The following PEPD variants were observed in gnomAD, a reference collection of about 807,000 sequenced individuals.
PEPD encodes xaa-Pro dipeptidase.
Under a neutral mutation model 60.7 loss-of-function variants are expected in PEPD, and 53 were observed. The observed-to-expected ratio is 0.87, with a 90% CI of 0.70 to 1.10. The LOEUF is 1.10. Ranked by LOEUF, PEPD falls within the 50% of genes least tolerant of loss-of-function variation. PEPD has a pLI of 0.00. For missense variants in PEPD, 711 were observed against 711.9 expected, an observed-to-expected ratio of 1.00 and a Z score of 0.01; for synonymous variants, 267 against 284.1, an observed-to-expected ratio of 0.94 and a Z score of 0.60.
At chr19:33,464,324 G>C (rs1473869933) in intron 7 of PEPD, among the ~76,000 whole-genome samples, 1 of 152,230 alleles carries the variant, frequency 6.6e-6, no homozygotes, top group Non-Finnish European at 1.5e-5. Context: ...ATAAGATCTG[G>C]AAGCCGCTGC....
intron 9 of PEPD, among the ~76,000 whole-genome samples, chr19:33,431,320 ACT>A (rs1022877355): frequency 6.6e-6 from 1 of 151,882 alleles, no homozygotes; most frequent in Non-Finnish European, 1.5e-5. Context: ...CTATCAGGAA[ACT>A]CTACCATGGG....
intron 9 of PEPD, among the ~76,000 whole-genome samples, chr19:33,449,136 C>T (rs967049433): frequency 4.6e-5 from 7 of 152,248 alleles, no homozygotes; most frequent in African/African-American, 1.7e-4. Context: ...CTCCAGGTAG[C>T]TGGCCCACTG....
At chr19:33,514,228 A>G (rs1026508587) in intron 1 of PEPD, among the ~76,000 whole-genome samples, 9 of 152,082 alleles carry the variant, frequency 5.9e-5, no homozygotes, top group African/African-American at 1.9e-4. Context: ...CACGGAGGTC[A>G]AGGAGGCAGG....
chr19:33,392,664 G>A (rs567710684), intron 12 of PEPD, among the ~76,000 whole-genome samples: 1 of 152,352 alleles, frequency 6.6e-6, no homozygotes, highest in South Asian at 2.1e-4. Flanking sequence ...GCTCCCGAGG[G>A]CCTCCCTGCC....
At chr19:33,473,807 C>T (rs1223809918) in intron 7 of PEPD, among the ~76,000 whole-genome samples, 1 of 152,114 alleles carries the variant, frequency 6.6e-6, no homozygotes, top group Admixed American at 6.5e-5. Flanking sequence ...CACTACCCAG[C>T]ACAAGAAAAG....
At chr19:33,447,341 G>T (rs73588293) in intron 9 of PEPD, among the ~76,000 whole-genome samples, 1 of 152,136 alleles carries the variant, frequency 6.6e-6, no homozygotes, top group East Asian at 1.9e-4. Context: ...TCCACAAAAC[G>T]GGCTTTTCTA....
intron 6 of PEPD, among the ~76,000 whole-genome samples, chr19:33,485,885 C>T (rs920037128): frequency 6.6e-6 from 1 of 151,758 alleles, no homozygotes; most frequent in Non-Finnish European, 1.5e-5. Context: ...CCCTGTCACT[C>T]GCTGCCCCGG....
At chr19:33,452,448 T>C (rs150607825) in intron 9 of PEPD, among the ~76,000 whole-genome samples, 1 of 152,040 alleles carries the variant, frequency 6.6e-6, no homozygotes, top group South Asian at 2.1e-4. Context: ...GAATTAATAA[T>C]AAAACTGGAA....
intron 1 of PEPD, among the ~76,000 whole-genome samples, chr19:33,521,279 G>A (rs1388465772): frequency 6.6e-6 from 1 of 152,240 alleles, no homozygotes; most frequent in Non-Finnish European, 1.5e-5. Context: ...TGGGATAGAT[G>A]GTTAGAGAAG....
intron 6 of PEPD, chr19:33,487,490 G>A (rs1446221069): frequency 6.6e-6 from 1 of 152,366 alleles, no homozygotes; most frequent in Non-Finnish European, 1.5e-5. Flanking sequence ...GCAGGCCAGA[G>A]ATGGCCACGA....
chr19:33,463,446 C>T (rs902098682), intron 8 of PEPD, among the ~76,000 whole-genome samples: 1 of 152,240 alleles, frequency 6.6e-6, no homozygotes, highest in African/African-American at 2.4e-5. Flanking sequence ...CAACAGAGTA[C>T]GCTGCCCATC....
At chr19:33,433,281 A>C (rs1969309935) in intron 9 of PEPD, among the ~76,000 whole-genome samples, 1 of 152,266 alleles carries the variant, frequency 6.6e-6, no homozygotes, top group East Asian at 1.9e-4. Flanking sequence ...TTTCAGTGTG[A>C]GCTGCTGTTT....
In PEPD at chr19:33,488,163, G is replaced by A. The variant is rs1251004537; in HGVS notation, c.503+1833C>T. On this transcript the variant is annotated intron_variant, in intron 6 of 14. Coordinates refer to ENST00000244137, the MANE Select transcript of PEPD (RefSeq NM_000285.4). ...GACTCACTGACATCTGGGAAACTGG[G>A]AATTGGTGATCCTGGAGCCCACCTG... 2.6e-5 allele frequency among the ~76,000 whole-genome samples: 4 copies of A among 152,166 alleles called. No homozygotes were observed. In the East Asian group the frequency reaches 5.8e-4, roughly 22 times the overall value.
intron 9 of PEPD, among the ~76,000 whole-genome samples, chr19:33,435,427 T>C (rs1409839579): frequency 6.6e-6 from 1 of 152,214 alleles, no homozygotes; most frequent in Non-Finnish European, 1.5e-5. Flanking sequence ...GCTGCCTCCC[T>C]GTCACTTCCG....
chr19:33,511,168 CAAGA>C lies in PEPD; in HGVS notation c.202-17_202-14del. 6.2e-7 allele frequency: 1 copy of C among 1,613,696 alleles called. No homozygotes were observed. On this transcript the variant is annotated splice_polypyrimidine_tract_variant and intron_variant, in intron 2 of 14. Transcript: ENST00000244137. ...GAAAGAAGGACTCCTGTGGCGGGAA[CAAGA>C]ACTATTGTTAGCCAGTGGAACATGA...
intron 7 of PEPD, among the ~76,000 whole-genome samples, chr19:33,470,184 C>T (rs1172130060): frequency 6.6e-6 from 1 of 152,154 alleles, no homozygotes. Context: ...TTCTCTCTAT[C>T]CAGCCCCAGC....
intron 12 of PEPD, among the ~76,000 whole-genome samples, chr19:33,393,487 G>C (rs1048625840): frequency 1.3e-5 from 2 of 151,134 alleles, no homozygotes; most frequent in African/African-American, 4.9e-5. Context: ...CCGCTCCCCC[G>C]CCTCCGTGAG....
At chr19:33,516,013 A>T (rs1343391774) in intron 1 of PEPD, among the ~76,000 whole-genome samples, 1 of 151,812 alleles carries the variant, frequency 6.6e-6, no homozygotes, top group Admixed American at 6.6e-5. Flanking sequence ...AAAATCTACA[A>T]CCATGCTTAT....
rs573690841 is a variant in PEPD at position 33,461,306 on chromosome 19, T to TA, written c.671+1688dup. ...ATTTTGGATACTGAAATTTCCTGTT[T>TA]AAAAAAAAAAAAAGACCTCCATTAC... On this transcript the variant is annotated intron_variant, in intron 9 of 14. Coordinates refer to ENST00000244137, the MANE Select transcript of PEPD (RefSeq NM_000285.4). Among the ~76,000 whole-genome samples, 325 of 144,670 alleles carry TA rather than the reference T, an allele frequency of 2.2e-3. 1 individual carries two copies. Among genetic ancestry groups the TA allele is most frequent in the Admixed American group, 4.5e-3 (66 of 14,516 alleles). 94.9% of individuals were successfully genotyped at this position (144,670 alleles called of 152,430 possible). A position where few individuals can be genotyped will look rare whatever the true frequency, so the allele number is the denominator to read the frequency against.
Sources: allele counts gnomAD v4.1 joint callset (sites outside exome capture counted in the v4.1 genomes callset), GRCh38; gene constraint gnomAD v4.1.1; transcripts MANE v1.5; gene names NCBI Gene and HGNC (gene_info 2026-07-23, HGNC 2026-07-21).